LDLRAD4: variants seen among roughly 807,000 people sequenced by gnomAD.
LDLRAD4 encodes the protein low-density lipoprotein receptor class A domain-containing protein 4.
LDLRAD4 carries 5 observed loss-of-function variants against 17.0 expected under a neutral mutation model. That is an observed-to-expected ratio of 0.29 (90% CI 0.15 to 0.62). The LOEUF is 0.62. Ranked by LOEUF, LDLRAD4 falls within the 20% of genes least tolerant of loss-of-function variation. The pLI is 0.84. For missense variants in LDLRAD4, 340 were observed against 424.7 expected, an observed-to-expected ratio of 0.80 and a Z score of 1.75; for synonymous variants, 168 against 171.8, an observed-to-expected ratio of 0.98 and a Z score of 0.17.
chr18:13,626,850 C>T (rs1254948158), intron 4 of LDLRAD4, among the ~76,000 whole-genome samples: 1 of 152,236 alleles, frequency 6.6e-6, no homozygotes, highest in African/African-American at 2.4e-5. Context: ...CTCAGATCCA[C>T]AGTGCCCTGA....
At chr18:13,325,837 C>A (rs1452973200) in intron 1 of LDLRAD4, among the ~76,000 whole-genome samples, 1 of 152,048 alleles carries the variant, frequency 6.6e-6, no homozygotes, top group African/African-American at 2.4e-5. Flanking sequence ...ATTGCAAGCT[C>A]CCCCTCCCGG....
chr18:13,273,702 C>T (rs1018376131), upstream of LDLRAD4, among the ~76,000 whole-genome samples: 19 of 152,232 alleles, frequency 1.2e-4, no homozygotes, highest in Non-Finnish European at 2.6e-4. Context: ...AACTTTTGCC[C>T]AAACAAATTT....
intron 3 of LDLRAD4, chr18:13,514,976 C>T (rs1200881716): frequency 1.3e-5 from 1 of 75,256 alleles, no homozygotes; most frequent in Non-Finnish European, 3.1e-5. Context: ...CCACCCCCAC[C>T]CCCACATTAC....
At chr18:13,575,177 C>T (rs186182592) in intron 3 of LDLRAD4, among the ~76,000 whole-genome samples, 17 of 152,268 alleles carry the variant, frequency 1.1e-4, no homozygotes, top group Admixed American at 3.9e-4. Flanking sequence ...ACCCATCACC[C>T]GAGCAGCCTT....
Position 13,621,031 on chromosome 18 carries a change from C to T in LDLRAD4, c.182-86C>T. On this transcript the variant is annotated intron_variant, in intron 3 of 5. Transcript: ENST00000359446. The surrounding 1 kb of genome is among the most constrained non-coding windows in gnomAD (Gnocchi z 5.5). ...GACGTGTGTGAGAGGCCTTCAGGGC[C>T]TGATGGCTGGGGTGGTGACAGTGCC... The T allele has an allele frequency of 6.3e-7, 1 of 1,598,734 alleles. No homozygotes were observed. Among genetic ancestry groups the T allele is most frequent in the South Asian group, 1.1e-5 (1 of 89,588 alleles).
rs376447165 is a variant in LDLRAD4, at chr18:13,226,090, G to A, written c.-467+7102G>A. ...GGCTGGAGTGCAGTGGTGTGATCTC[G>A]GCTCATTGCAACCGCCATTTCTCAG... is the stretch of plus-strand genomic sequence containing the variant. On this transcript the variant is annotated intron_variant, in intron 1 of 5. Transcript: ENST00000399848. Among the ~76,000 whole-genome samples, 84 of 149,762 alleles carry A rather than the reference G, an allele frequency of 5.6e-4. 1 individual carries two copies. In the South Asian group the frequency reaches 0.011, roughly 19 times the overall value.
chr18:13,261,860 G>T (rs1025449817), intron 1 of LDLRAD4, among the ~76,000 whole-genome samples: 1 of 152,230 alleles, frequency 6.6e-6, no homozygotes, highest in Non-Finnish European at 1.5e-5. Flanking sequence ...AGGCAGGACT[G>T]CGAGTGCCAC....
chr18:13,579,563 T>C (rs993503802), intron 3 of LDLRAD4, among the ~76,000 whole-genome samples: 1 of 152,198 alleles, frequency 6.6e-6, no homozygotes, highest in African/African-American at 2.4e-5. Flanking sequence ...TGGCTGGTGA[T>C]TGGCATGGAT....
intron 3 of LDLRAD4, among the ~76,000 whole-genome samples, chr18:13,447,774 G>T (rs995804666): frequency 6.6e-6 from 1 of 152,120 alleles, no homozygotes; most frequent in East Asian, 1.9e-4. Context: ...GGGAAAAATG[G>T]TTTCAGTTCT....
intron 2 of LDLRAD4, among the ~76,000 whole-genome samples, chr18:13,431,216 G>C (rs976366587): frequency 2.6e-5 from 4 of 152,132 alleles, no homozygotes; most frequent in Admixed American, 1.3e-4. Flanking sequence ...GTTGATATAT[G>C]GGTGACGTCG....
At chr18:13,647,205 C>CTAA (rs1364166357) in exon 6 of LDLRAD4, 1 of 151,182 alleles carries the variant, frequency 6.6e-6, no homozygotes, top group African/African-American at 2.4e-5. Context: ...AACTAGAAAA[C>CTAA]TAATTTTAAA....
Position 13,432,004 on chromosome 18 carries a change from C to T in LDLRAD4, c.41-6240C>T, listed in dbSNP as rs111602950. Among the ~76,000 whole-genome samples the T allele has an allele frequency of 8.5e-5, 13 of 152,318 alleles. 1 individual carries two copies. Among genetic ancestry groups the T allele is most frequent in the South Asian group, 4.1e-4 (2 of 4,820 alleles). ...CGAGGTTGGCTGAGCGTGGAGCTGG[C>T]CTGTGACACCAGGTGAGGCATGAGC... On this transcript the variant is annotated intron_variant, in intron 2 of 5. Transcript: ENST00000359446.
intron 3 of LDLRAD4, among the ~76,000 whole-genome samples, chr18:13,518,230 C>T (rs150949270): frequency 3.9e-5 from 6 of 152,232 alleles, no homozygotes; most frequent in African/African-American, 1.4e-4. Context: ...CTCTGCACTC[C>T]TTCTCTCTCT....
chr18:13,548,502 T>C (rs1284131043), intron 3 of LDLRAD4, among the ~76,000 whole-genome samples: 1 of 152,204 alleles, frequency 6.6e-6, no homozygotes, highest in Non-Finnish European at 1.5e-5. Context: ...TCAGTGCCAC[T>C]CCAAGTATGT....
In LDLRAD4 at chr18:13,595,992, A is replaced by C. The variant is rs571416835; in HGVS notation, c.182-25125A>C. On this transcript the variant is annotated intron_variant, in intron 3 of 5. Transcript: ENST00000359446. ...ATTATGGTATCCAGCTATTATTCTT[A>C]AGTTGTCTGTTTTTCCTTTCAATTC... 7.2e-4 allele frequency among the ~76,000 whole-genome samples: 109 copies of C among 152,204 alleles called. 1 individual carries two copies. The highest frequency in any genetic ancestry group is 1.2e-3 in the Non-Finnish European group (80 of 67,996).
At chr18:13,644,077 C>T (rs1306553735) in intron 5 of LDLRAD4, among the ~76,000 whole-genome samples, 1 of 151,948 alleles carries the variant, frequency 6.6e-6, no homozygotes, top group Non-Finnish European at 1.5e-5. Context: ...ATGTCAGTGA[C>T]TAAAAATAAC....
chr18:13,643,464 G>GGGGGGGGGGGGGGGGGGGGGGCCC, intron 5 of LDLRAD4, 52 bp downstream of exon 6: 1 of 288,988 alleles, frequency 3.5e-6, no homozygotes, highest in East Asian at 5.7e-5. Flanking sequence ...GGTGGGTGGG[G>GGGGGGGGGGGGGGGGGGGGGGCCC]ATGAAGGGGG....
intron 3 of LDLRAD4, among the ~76,000 whole-genome samples, chr18:13,554,404 G>T (rs1750804534): frequency 6.6e-6 from 1 of 152,102 alleles, no homozygotes; most frequent in Admixed American, 6.5e-5. Flanking sequence ...GTATATTTTG[G>T]TAGTGCTATT....
chr18:13,566,654 C>T (rs1316408905), intron 3 of LDLRAD4, among the ~76,000 whole-genome samples: 1 of 152,156 alleles, frequency 6.6e-6, no homozygotes, highest in East Asian at 1.9e-4. Context: ...AGACGCTGCG[C>T]CCAGCCAAGA....
Sources: allele counts gnomAD v4.1 joint callset (sites outside exome capture counted in the v4.1 genomes callset), GRCh38; gene constraint gnomAD v4.1.1; non-coding constraint Gnocchi (gnomAD v3.1); transcripts MANE v1.5; gene names NCBI Gene and HGNC (gene_info 2026-07-23, HGNC 2026-07-21).